Variants in GALNT7 observed in about 807,000 individuals in gnomAD.
GALNT7 encodes polypeptide N-acetylgalactosaminyltransferase 7, also known as N-acetylgalactosaminyltransferase 7.
GALNT7 carries 60 observed loss-of-function variants against 82.1 expected under a neutral mutation model. That is an observed-to-expected ratio of 0.73 (90% CI 0.59 to 0.91). The LOEUF (loss-of-function observed/expected upper bound fraction) is 0.91. GALNT7 is among the 40% of genes least tolerant of loss of function. The pLI is 0.00. For missense variants in GALNT7, 660 were observed against 804.2 expected, an observed-to-expected ratio of 0.82 and a Z score of 2.17; for synonymous variants, 243 against 275.1, an observed-to-expected ratio of 0.88 and a Z score of 1.15.
At position 173,258,529 on chromosome 4, in the gene GALNT7, G is replaced by A. The variant is rs1579962317; in HGVS notation, c.587+10089G>A. 2.0e-5 allele frequency among the ~76,000 whole-genome samples: 3 copies of A among 152,134 alleles called. No homozygotes were observed. In the South Asian group the frequency reaches 6.2e-4, roughly 32 times the overall value. On this transcript the variant is annotated intron_variant, in intron 2 of 11. Transcript: ENST00000265000. ...TTGCAGCAGCTGATGGAGATGGGGG[G>A]GCCTCAGTCAGTGACAGTAAGGATC... is the stretch of plus-strand genomic sequence containing the variant.
intron 2 of GALNT7, among the ~76,000 whole-genome samples, chr4:173,256,820 C>G (rs549554546): frequency 5.9e-5 from 9 of 152,168 alleles, no homozygotes; most frequent in Non-Finnish European, 1.2e-4. Context: ...TAATAATTTA[C>G]ATGACACTGT....
chr4:173,308,864 C>G (rs557980353), intron 8 of GALNT7, among the ~76,000 whole-genome samples: 12 of 152,312 alleles, frequency 7.9e-5, no homozygotes, highest in Admixed American at 7.2e-4. Context: ...GATCTCGCTG[C>G]TGCACTCCAG....
rs1021548166 is a variant in GALNT7, at chr4:173,320,144, T to G, written c.1837-1436T>G. 6.6e-6 allele frequency among the ~76,000 whole-genome samples: 1 copy of G among 152,114 alleles called. No individual in the cohort carries two copies. Among genetic ancestry groups the G allele is most frequent in the African/African-American group, 2.4e-5 (1 of 41,442 alleles). On this transcript the variant is annotated intron_variant, in intron 11 of 11. Coordinates refer to ENST00000265000, the MANE Select transcript of GALNT7 (RefSeq NM_017423.3). The surrounding 1 kb of genome is among the most constrained non-coding windows in gnomAD (Gnocchi z 4.1). The stretch of plus-strand genomic sequence containing the variant: ...ATGGCTACTTTTAGGAAAATAATTC[T>G]GGAAACGTGAGGTATGGACTGATGA...
intron 1 of GALNT7, 50 bp from the exon 2 acceptor site, chr4:173,247,930 T>A: frequency 8.3e-7 from 1 of 1,205,416 alleles, no homozygotes; most frequent in Non-Finnish European, 1.2e-6. Context: ...AGCTCTACTG[T>A]GGTGGTTTGC....
At chr4:173,174,887 T>G (rs1350830106) in intron 1 of GALNT7, among the ~76,000 whole-genome samples, 1 of 152,236 alleles carries the variant, frequency 6.6e-6, no homozygotes, top group African/African-American at 2.4e-5. Context: ...TTTTGTGACT[T>G]AGGCTGGTTG....
At chr4:173,305,768 G>A (rs1737134683) in intron 8 of GALNT7, among the ~76,000 whole-genome samples, 3 of 152,100 alleles carry the variant, frequency 2.0e-5, no homozygotes, top group Non-Finnish European at 2.9e-5. Flanking sequence ...CTGTTTTTAT[G>A]TGAGTACCAT....
intron 1 of GALNT7, among the ~76,000 whole-genome samples, chr4:173,176,342 G>A (rs572573590): frequency 6.6e-6 from 1 of 152,298 alleles, no homozygotes; most frequent in South Asian, 2.1e-4. Flanking sequence ...ATGTAGTCAG[G>A]ACTCAGATGA....
chr4:173,314,289 ACTGT>A (rs1737510967), intron 9 of GALNT7, 113 bp downstream of exon 9: 4 of 742,282 alleles, frequency 5.4e-6, no homozygotes, highest in South Asian at 4.9e-5. Flanking sequence ...TGGGGTAAAA[ACTGT>A]CTGATAGGAT....
intron 10 of GALNT7, among the ~76,000 whole-genome samples, chr4:173,318,175 G>T (rs1035419202): frequency 6.6e-6 from 1 of 151,848 alleles, no homozygotes; most frequent in East Asian, 1.9e-4. Context: ...TCACATTGTT[G>T]GTACTTAATA....
At chr4:173,266,868 G>GGGGTGTGTGTGTGTGT (rs1198187336) in intron 2 of GALNT7, among the ~76,000 whole-genome samples, 1 of 95,078 alleles carries the variant, frequency 1.1e-5, no homozygotes. Flanking sequence ...GGCTGGGAAG[G>GGGGTGTGTGTGTGTGT]GTGTGTGTGT....
chr4:173,201,234 A>T (rs774052705), intron 1 of GALNT7, among the ~76,000 whole-genome samples: 3 of 152,014 alleles, frequency 2.0e-5, no homozygotes, highest in East Asian at 1.9e-4. Context: ...CAAATATTTT[A>T]AAAAATAGTG....
intron 8 of GALNT7, among the ~76,000 whole-genome samples, chr4:173,312,918 G>T (rs746208693): frequency 1.3e-5 from 2 of 152,102 alleles, no homozygotes; most frequent in Non-Finnish European, 2.9e-5. Context: ...AATTAGCCAG[G>T]TGTGGTGGCG....
At position 173,292,500 on chromosome 4, in the gene GALNT7, G is replaced by T. The variant is rs968727216; in HGVS notation, c.754+226G>T. ...ATTATGTCCATTTTACACGCTCAGA[G>T]ATGTACAAGTAGTACACAAAAATTT... On this transcript the variant is annotated intron_variant, in intron 3 of 11. Transcript: ENST00000265000. The surrounding 1 kb of genome is among the most constrained non-coding windows in gnomAD (Gnocchi z 4.8). Among the ~76,000 whole-genome samples the T allele has an allele frequency of 6.6e-6, 1 of 152,168 alleles. No homozygotes were observed. The highest frequency in any genetic ancestry group is 6.5e-5 in the Admixed American group (1 of 15,276).
intron 1 of GALNT7, among the ~76,000 whole-genome samples, chr4:173,174,779 C>T (rs1331133843): frequency 3.3e-5 from 5 of 152,212 alleles, no homozygotes; most frequent in Non-Finnish European, 7.3e-5. Flanking sequence ...TATGTTTCAT[C>T]AGTAGTCAAA....
intron 11 of GALNT7, among the ~76,000 whole-genome samples, chr4:173,318,826 A>G (rs1158650626): frequency 1.3e-5 from 2 of 152,146 alleles, no homozygotes; most frequent in Non-Finnish European, 2.9e-5. Context: ...TAGTAATACA[A>G]GAAAGTCAGT....
intron 8 of GALNT7, among the ~76,000 whole-genome samples, chr4:173,313,306 C>T (rs780638125): frequency 6.6e-6 from 1 of 152,020 alleles, no homozygotes. Flanking sequence ...CAGTGGCTCA[C>T]ACATGTAATT....
At chr4:173,318,371 C>G in intron 10 of GALNT7, 60 bp from the exon 11 acceptor site, 1 of 1,389,896 alleles carries the variant, frequency 7.2e-7, no homozygotes, top group Non-Finnish European at 9.9e-7. Flanking sequence ...TCTTTCTTTT[C>G]AAATGCACAT....
chr4:173,209,998 A>T (rs753067089), intron 1 of GALNT7, among the ~76,000 whole-genome samples: 7 of 152,002 alleles, frequency 4.6e-5, no homozygotes, highest in Non-Finnish European at 8.8e-5. Context: ...CTGGGGGTAG[A>T]GGTGCGTGCC....
At chr4:173,198,674 A>G (rs1732853548) in intron 1 of GALNT7, among the ~76,000 whole-genome samples, 1 of 152,246 alleles carries the variant, frequency 6.6e-6, no homozygotes. Context: ...TTTATTTAGT[A>G]TGATAACCTA....
Sources: allele counts gnomAD v4.1 joint callset (sites outside exome capture counted in the v4.1 genomes callset), GRCh38; gene constraint gnomAD v4.1.1; non-coding constraint Gnocchi (gnomAD v3.1); transcripts MANE v1.5; gene names NCBI Gene and HGNC (gene_info 2026-07-23, HGNC 2026-07-21).